The following GRHL1 variants were observed in gnomAD, a reference collection of about 807,000 sequenced individuals.
GRHL1 encodes grainyhead-like protein 1 homolog.
GRHL1 carries 38 observed loss-of-function variants against 75.7 expected under a neutral mutation model. The observed-to-expected ratio is 0.50, with a 90% CI of 0.39 to 0.66. The LOEUF (loss-of-function observed/expected upper bound fraction) is 0.66, where lower values mean the gene tolerates loss of function less well. GRHL1 is among the 30% of genes least tolerant of loss of function. The probability of loss-of-function intolerance (pLI) is 0.00; values close to 1 mark genes in which losing one functional copy is unlikely to be tolerated. For synonymous variants in GRHL1, 266 were observed against 279.4 expected, an observed-to-expected ratio of 0.95 and a Z score of 0.48; for missense variants, 589 against 767.5, an observed-to-expected ratio of 0.77 and a Z score of 2.75.
At chr2:9,985,778 A>G (rs976048702) in intron 8 of GRHL1, among the ~76,000 whole-genome samples, 10 of 152,240 alleles carry the variant, frequency 6.6e-5, no homozygotes, top group African/African-American at 2.4e-4. Flanking sequence ...ACAGCTGCAG[A>G]GGGAGCTATG....
In GRHL1 at chr2:10,000,656, G is replaced by T; in HGVS notation, c.1806G>T (p.Leu602=). The change falls in exon 16 of 16, where the codon CTG becomes CTT. Residue 602 remains leucine, a synonymous_variant. Coordinates refer to ENST00000324907, the MANE Select transcript of GRHL1 (RefSeq NM_198182.3). ...KHYSNEDTFQ[L]QIEEAGGSYK... ...ACTCCAATGAGGACACCTTCCAGCTGCAGATTGAAGAAGCCGGGGGGTCTT... is the reference window on the plus strand; with the variant it reads ...ACTCCAATGAGGACACCTTCCAGCTTCAGATTGAAGAAGCCGGGGGGTCTT... The T allele has an allele frequency of 6.2e-7, 1 of 1,613,228 alleles. No individual in the cohort carries two copies. The highest frequency in any genetic ancestry group is 8.5e-7 in the Non-Finnish European group (1 of 1,179,288).
intron 13 of GRHL1, 43 bp from the exon 14 acceptor site, chr2:9,996,273 T>TC (rs746540576): frequency 7.2e-7 from 1 of 1,382,534 alleles, no homozygotes; most frequent in Non-Finnish European, 1.0e-6. Context: ...ATCCTTTTTT[T>TC]CCTCTCTTTT....
intron 12 of GRHL1, 33 bp downstream of exon 12, chr2:9,993,277 A>G (rs374792935): frequency 3.2e-6 from 5 of 1,549,210 alleles, no homozygotes; most frequent in East Asian, 2.2e-5. Flanking sequence ...TTTTGTTTTA[A>G]TAATGGAAAT....
At chr2:9,959,081 A>G in intron 3 of GRHL1, 1 of 418,496 alleles carries the variant, frequency 2.4e-6, no homozygotes, top group Non-Finnish European at 4.2e-6. Context: ...GAAAGCACTA[A>G]CATTCTCCTC....
chr2:9,982,167 T>C (rs1668223208), intron 8 of GRHL1, among the ~76,000 whole-genome samples: 1 of 152,248 alleles, frequency 6.6e-6, no homozygotes, highest in African/African-American at 2.4e-5. Flanking sequence ...GTAAAAATTT[T>C]GTTTAATGTT....
At chr2:9,993,997 C>T (rs1175677614) in intron 12 of GRHL1, among the ~76,000 whole-genome samples, 2 of 152,134 alleles carry the variant, frequency 1.3e-5, no homozygotes, top group African/African-American at 2.4e-5. Context: ...TCAGGTTGTC[C>T]CAGAATTGGG....
chr2:9,971,147 TATG>T (rs995928285), intron 8 of GRHL1, among the ~76,000 whole-genome samples: 4 of 152,192 alleles, frequency 2.6e-5, no homozygotes, highest in Admixed American at 6.5e-5. Flanking sequence ...TGGAATTCAT[TATG>T]AGAATAATTT....
chr2:9,986,029 G>T, intron 8 of GRHL1, 95 bp from the exon 9 acceptor site: 1 of 813,354 alleles, frequency 1.2e-6, no homozygotes. Flanking sequence ...ATTTAAAATA[G>T]ACTTGAGTAA....
In GRHL1 at chr2:9,968,590, A is replaced by C. The variant is rs1285002650; in HGVS notation, c.1110+3209A>C. Among the ~76,000 whole-genome samples the C allele has an allele frequency of 6.6e-6, 1 of 152,174 alleles. No individual in the cohort carries two copies. The highest frequency in any genetic ancestry group is 1.5e-5 in the Non-Finnish European group (1 of 68,038). On this transcript the variant is annotated intron_variant, in intron 8 of 15. Transcript: ENST00000324907. This position sits in a 1 kb window ranked among gnomAD's most constrained non-coding sequence, Gnocchi z 4.7. Reference sequence around the variant, plus strand: ...GTAATTTTTGCAGAGAGAAGAAGCAATTGCCTTTGAAGCATTAAAAGATGG... The same window carrying C: ...GTAATTTTTGCAGAGAGAAGAAGCACTTGCCTTTGAAGCATTAAAAGATGG...
At position 10,001,822 on chromosome 2, in the gene GRHL1, C is replaced by T. The variant is rs1461328559; in HGVS notation, c.*1115C>T. On this transcript the variant is annotated 3_prime_UTR_variant, in exon 16 of 16. Transcript: ENST00000324907. ...GTATTGCGTACCAAGTGATACAACTCGAAATGCAGTTCTCATCTTCCTGTT... is the reference window on the plus strand; with the variant it reads ...GTATTGCGTACCAAGTGATACAACTTGAAATGCAGTTCTCATCTTCCTGTT... 2 of 152,302 alleles carry T rather than the reference C, an allele frequency of 1.3e-5. No homozygotes were observed. The highest frequency in any genetic ancestry group is 2.9e-5 in the Non-Finnish European group (2 of 68,026). 9.4% of individuals were successfully genotyped at this position (152,302 alleles called of 1,614,324 possible).
At chr2:9,955,357 A>G (rs571527123) in intron 2 of GRHL1, among the ~76,000 whole-genome samples, 1 of 152,348 alleles carries the variant, frequency 6.6e-6, no homozygotes, top group South Asian at 2.1e-4. Flanking sequence ...CCGTAAAAGA[A>G]GATGCTAGAT....
intron 9 of GRHL1, among the ~76,000 whole-genome samples, chr2:9,986,865 C>G (rs1668441570): frequency 6.6e-6 from 1 of 152,214 alleles, no homozygotes; most frequent in South Asian, 2.1e-4. Flanking sequence ...TCCCATCACA[C>G]CCAGCTAATT....
chr2:9,956,488 T>C lies in GRHL1; in HGVS notation c.207+1387T>C, dbSNP rs540964134. On this transcript the variant is annotated intron_variant, in intron 2 of 15. Coordinates refer to ENST00000324907, the MANE Select transcript of GRHL1 (RefSeq NM_198182.3). ...GTGAGCTGAGATCATGCCATATCAC[T>C]ACACTCCAGCCTGGGTGACAGAGAC... Among the ~76,000 whole-genome samples, 33 of 151,792 alleles carry C rather than the reference T, an allele frequency of 2.2e-4. No individual in the cohort carries two copies. The East Asian group carries it at 5.8e-3, about 27-fold the overall frequency.
At position 9,968,421 on chromosome 2, in the gene GRHL1, T is replaced by G. The variant is rs145736490; in HGVS notation, c.1110+3040T>G. On this transcript the variant is annotated intron_variant, in intron 8 of 15. Transcript: ENST00000324907. The surrounding 1 kb of genome is among the most constrained non-coding windows in gnomAD (Gnocchi z 4.7). ...GCTGTGTAGACGTATTTCATTCCTT[T>G]TATTGTCCTTCCACAAAATTAGATT... Among the ~76,000 whole-genome samples the G allele has an allele frequency of 3.1e-3, 468 of 152,338 alleles. 1 individual carries two copies. Among genetic ancestry groups the G allele is most frequent in the African/African-American group, 0.011 (447 of 41,580 alleles).
chr2:9,971,835 T>A (rs563355263), intron 8 of GRHL1, among the ~76,000 whole-genome samples: 45 of 152,354 alleles, frequency 3.0e-4, no homozygotes, highest in African/African-American at 1.0e-3. Context: ...TTGGACATTT[T>A]GCTTTGACGA....
chr2:9,951,788 A>T lies in GRHL1; in HGVS notation c.-46A>T. The T allele has an allele frequency of 2.6e-6, 4 of 1,514,818 alleles. No individual in the cohort carries two copies. The highest frequency in any genetic ancestry group is 3.5e-6 in the Non-Finnish European group (4 of 1,128,606). 93.8% of individuals were successfully genotyped at this position (1,514,818 alleles called of 1,614,324 possible). A position where few individuals can be genotyped will look rare whatever the true frequency, so the allele number is the denominator to read the frequency against. On this transcript the variant is annotated 5_prime_UTR_variant, in exon 1 of 16. Transcript: ENST00000324907. This position sits in a 1 kb window ranked among gnomAD's most constrained non-coding sequence, Gnocchi z 4.2. ...CCCCCCGGATCGGGTGTACTGTCCC[A>T]ACCCGAAAGTCCAGTTCTGCGGCCC... is the stretch of plus-strand genomic sequence containing the variant.
At chr2:9,962,814 G>A (rs1667330590) in intron 5 of GRHL1, among the ~76,000 whole-genome samples, 1 of 151,884 alleles carries the variant, frequency 6.6e-6, no homozygotes, top group Non-Finnish European at 1.5e-5. Context: ...AGAGATGAGG[G>A]GATTAAATTA....
intron 12 of GRHL1, among the ~76,000 whole-genome samples, chr2:9,994,760 T>C (rs777603064): frequency 3.3e-5 from 5 of 152,080 alleles, no homozygotes; most frequent in Non-Finnish European, 5.9e-5. Context: ...ATCTACCTCT[T>C]CTCTTGCTTG....
Position 9,954,669 on chromosome 2 carries a change from G to GTA in GRHL1, c.21-243_21-242dup, listed in dbSNP as rs374103838. Among the ~76,000 whole-genome samples, 743 of 152,272 alleles carry GTA rather than the reference G, an allele frequency of 4.9e-3. 3 individuals carry two copies. The highest frequency in any genetic ancestry group is 8.4e-3 in the Non-Finnish European group (568 of 68,016). On this transcript the variant is annotated intron_variant, in intron 1 of 15. Coordinates refer to ENST00000324907, the MANE Select transcript of GRHL1 (RefSeq NM_198182.3). ...TTTTGTTTCGCTTTTTTGCCAAATA[G>GTA]TATACCCTGGGTTCCACGTGTAGGT... is the stretch of plus-strand genomic sequence containing the variant.
Sources: gnomAD v4.1 joint callset for allele counts (sites outside exome capture counted in the v4.1 genomes callset) on GRCh38, gnomAD v4.1.1 for gene constraint, Gnocchi (gnomAD v3.1) non-coding constraint, MANE v1.5 for transcripts, NCBI Gene and HGNC (gene_info 2026-07-23, HGNC 2026-07-21) for gene names.